STXBP5L: variants seen among roughly 807,000 people sequenced by gnomAD.
The protein encoded by STXBP5L is syntaxin binding protein 5L.
A neutral mutation model predicts 144.5 loss-of-function variants in STXBP5L; 65 were observed. That is an observed-to-expected ratio of 0.45 (90% CI 0.37 to 0.55). The LOEUF (loss-of-function observed/expected upper bound fraction) is 0.55, where lower values mean the gene tolerates loss of function less well. Ranked by LOEUF, STXBP5L falls within the 20% of genes least tolerant of loss-of-function variation. The pLI is 0.00. For synonymous variants in STXBP5L, 505 were observed against 469.6 expected (o/e 1.08, Z -0.97); for missense variants, 1,298 against 1,405.5 (o/e 0.92, Z 1.22).
At chr3:121,343,189 G>A (rs1021005335) in intron 20 of STXBP5L, among the ~76,000 whole-genome samples, 3 of 152,036 alleles carry the variant, frequency 2.0e-5, no homozygotes, top group Non-Finnish European at 2.9e-5. Flanking sequence ...CTTTTTGATG[G>A]GGTTGTTTTT....
At position 121,192,025 on chromosome 3, in the gene STXBP5L, A is replaced by C. The variant is rs185156421; in HGVS notation, c.878-13898A>C. On this transcript the variant is annotated intron_variant, in intron 9 of 26. Coordinates refer to ENST00000471454, the MANE Select transcript of STXBP5L (RefSeq NM_001308330.2). ...ATGAGTTAACGAGTGCAGCACACCA[A>C]CATGGCACATGTATACATATGTAAC... Among the ~76,000 whole-genome samples the C allele has an allele frequency of 7.1e-4, 108 of 152,260 alleles. No homozygotes were observed. In the Middle Eastern group the frequency reaches 0.01, roughly 14 times the overall value.
intron 9 of STXBP5L, among the ~76,000 whole-genome samples, chr3:121,201,314 T>C (rs2048129276): frequency 6.6e-6 from 1 of 152,256 alleles, no homozygotes; most frequent in Non-Finnish European, 1.5e-5. Context: ...AAAGTCTGTT[T>C]TATCAGAGAC....
intron 3 of STXBP5L, among the ~76,000 whole-genome samples, chr3:120,970,094 A>G (rs532760808): frequency 7.0e-4 from 106 of 152,052 alleles, no homozygotes; most frequent in African/African-American, 2.5e-3. Flanking sequence ...CCCCCCCAAT[A>G]ATTTGATTTA....
intron 8 of STXBP5L, 33 bp from the exon 9 acceptor site, chr3:121,157,471 C>T: frequency 6.5e-7 from 1 of 1,530,850 alleles, no homozygotes; most frequent in Non-Finnish European, 8.7e-7. Flanking sequence ...TACTTTTTTC[C>T]CCCTCTACTT....
At chr3:121,188,386 T>A (rs185410738) in intron 9 of STXBP5L, among the ~76,000 whole-genome samples, 1 of 151,830 alleles carries the variant, frequency 6.6e-6, no homozygotes, top group Admixed American at 6.6e-5. Flanking sequence ...AGAAACTCAC[T>A]CAAAACTGCT....
chr3:121,332,554 CAAACAA>C (rs1306093275), intron 20 of STXBP5L, among the ~76,000 whole-genome samples: 1 of 151,462 alleles, frequency 6.6e-6, no homozygotes, highest in Non-Finnish European at 1.5e-5. Context: ...TTAATTCAAT[CAAACAA>C]AAATAAAACA....
At chr3:121,286,796 A>C (rs1010212783) in intron 19 of STXBP5L, among the ~76,000 whole-genome samples, 42 of 149,940 alleles carry the variant, frequency 2.8e-4, no homozygotes, top group African/African-American at 9.9e-4. Flanking sequence ...AATAAATGAA[A>C]ACAATGGTTT....
In STXBP5L at chr3:120,917,539, A is replaced by G. The variant is rs573136590; in HGVS notation, c.189+7772A>G. 5.3e-5 allele frequency among the ~76,000 whole-genome samples: 8 copies of G among 152,214 alleles called. No homozygotes were observed. In the South Asian group the frequency reaches 1.7e-3, roughly 32 times the overall value. On this transcript the variant is annotated intron_variant, in intron 2 of 26. Coordinates refer to ENST00000471454, the MANE Select transcript of STXBP5L (RefSeq NM_001308330.2). ...AATAGAGGTAAGATTTGCCTTTTAA[A>G]ATAGCAAGGGGTGGCCATGGTAGCA...
At chr3:121,189,677 T>C (rs1034629181) in intron 9 of STXBP5L, among the ~76,000 whole-genome samples, 3 of 152,242 alleles carry the variant, frequency 2.0e-5, no homozygotes, top group Non-Finnish European at 4.4e-5. Context: ...CTTTTTTCTT[T>C]TGACTTCAGA....
At chr3:121,246,577 T>C (rs1262511191) in intron 14 of STXBP5L, among the ~76,000 whole-genome samples, 1 of 152,154 alleles carries the variant, frequency 6.6e-6, no homozygotes, top group Non-Finnish European at 1.5e-5. Flanking sequence ...ATCCTGCAGA[T>C]TTTTCAGCAA....
At chr3:120,991,222 A>G (rs1393669500) in intron 3 of STXBP5L, among the ~76,000 whole-genome samples, 5 of 118,798 alleles carry the variant, frequency 4.2e-5, no homozygotes, top group African/African-American at 1.6e-4. Context: ...CAAAAGACAC[A>G]TGAAAAAATG....
chr3:121,400,770 G>C (rs1241808881), intron 22 of STXBP5L, among the ~76,000 whole-genome samples: 1 of 152,140 alleles, frequency 6.6e-6, no homozygotes, highest in East Asian at 1.9e-4. Flanking sequence ...TCCTGAGACT[G>C]ACTGGTTTGT....
intron 9 of STXBP5L, among the ~76,000 whole-genome samples, chr3:121,181,097 T>C (rs1182751620): frequency 7.3e-6 from 1 of 137,026 alleles, no homozygotes; most frequent in Non-Finnish European, 1.5e-5. Flanking sequence ...TGAAACTCTG[T>C]CTTGAAAAGA....
intron 10 of STXBP5L, among the ~76,000 whole-genome samples, chr3:121,213,236 T>C (rs1388558556): frequency 6.6e-6 from 1 of 152,198 alleles, no homozygotes; most frequent in East Asian, 1.9e-4. Flanking sequence ...GGCCAAAACT[T>C]CCAATACTAT....
At chr3:121,060,402 A>G (rs1477232169) in intron 5 of STXBP5L, among the ~76,000 whole-genome samples, 1 of 152,176 alleles carries the variant, frequency 6.6e-6, no homozygotes, top group African/African-American at 2.4e-5. Context: ...TTTCACATCG[A>G]TATTCATCAG....
chr3:121,140,763 A>G (rs1008176199), intron 7 of STXBP5L, among the ~76,000 whole-genome samples: 3 of 152,204 alleles, frequency 2.0e-5, no homozygotes, highest in East Asian at 1.9e-4. Context: ...GGATGAGGAC[A>G]TGTTGGTCAA....
chr3:121,157,426 GT>G, intron 8 of STXBP5L, 77 bp from the exon 9 acceptor site: 1 of 1,375,282 alleles, frequency 7.3e-7, no homozygotes, highest in Non-Finnish European at 9.6e-7. Context: ...TATCAGAATA[GT>G]TTTTCTTTGG....
At chr3:121,338,796 T>C (rs1353001080) in intron 20 of STXBP5L, among the ~76,000 whole-genome samples, 1 of 152,022 alleles carries the variant, frequency 6.6e-6, no homozygotes, top group Non-Finnish European at 1.5e-5. Context: ...AGAAAATCTA[T>C]AGGGAATTAA....
chr3:120,958,005 C>T (rs527643314), intron 3 of STXBP5L, among the ~76,000 whole-genome samples: 3 of 151,810 alleles, frequency 2.0e-5, no homozygotes, highest in Admixed American at 6.6e-5. Flanking sequence ...ATTGATAGAC[C>T]GCTAGCAAGA....
Sources: allele counts gnomAD v4.1 joint callset (sites outside exome capture counted in the v4.1 genomes callset), GRCh38; gene constraint gnomAD v4.1.1; transcripts MANE v1.5; gene names NCBI Gene and HGNC (gene_info 2026-07-23, HGNC 2026-07-21).